Variants in PCDH15 observed in about 807,000 individuals in gnomAD.
PCDH15 encodes the protein protocadherin-15.
PCDH15 carries 129 observed loss-of-function variants against 178.5 expected under a neutral mutation model. The observed-to-expected ratio is 0.72, with a 90% confidence interval of 0.63 to 0.84. The LOEUF is 0.84. Among genes scored for constraint, PCDH15 ranks in the 40% least tolerant of loss-of-function variants. The pLI is 0.00. For synonymous variants in PCDH15, 800 were observed against 732.0 expected (o/e 1.09, Z -1.50); for missense variants, 2,230 against 2,099.9 (o/e 1.06, Z -1.21).
At chr10:54,759,081 C>CATCT (rs10642768) in intron 1 of PCDH15, among the ~76,000 whole-genome samples, 11,686 of 152,066 alleles carry the variant, frequency 0.077, 1,461 homozygotes, top group African/African-American at 0.27. Flanking sequence ...CCTCCCCCTC[C>CATCT]ATCTTACTAC....
intron 2 of PCDH15, among the ~76,000 whole-genome samples, chr10:55,161,673 C>G (rs969487763): frequency 9.2e-5 from 14 of 152,076 alleles, no homozygotes; most frequent in Admixed American, 5.2e-4. Flanking sequence ...TTCTCTAACC[C>G]TTTCATTACT....
chr10:54,183,298 A>G lies in PCDH15; in HGVS notation c.1590+146T>C, dbSNP rs534996437. ...TATGCTTTTATTTGAAAAGTAACAG[A>G]AATTTAAAGCTATTTAAACTAATTA... On this transcript the variant is annotated intron_variant, in intron 13 of 37. Transcript: ENST00000644397. 33 of 843,860 alleles carry G rather than the reference A, an allele frequency of 3.9e-5. No individual in the cohort carries two copies. In the African/African-American group the frequency reaches 4.8e-4, roughly 12 times the overall value. The allele number at this position is 843,860 out of a possible 1,614,324, so 52.3% of individuals were successfully genotyped here. A position where few individuals can be genotyped will look rare whatever the true frequency, so the allele number is the denominator to read the frequency against.
Position 53,822,574 on chromosome 10 carries a change from G to A in PCDH15, c.4368-2344C>T, listed in dbSNP as rs1194313858. 2 of 1,613,928 alleles carry A rather than the reference G, an allele frequency of 1.2e-6. No homozygotes were observed. The highest frequency in any genetic ancestry group is 1.7e-6 in the Non-Finnish European group (2 of 1,179,956). Reference sequence around the variant, plus strand: ...GTTTCAATAGGTAACATACAAATAGGTGTCTCTCTCCTAGAGAGTGAAGAA... The same window carrying A: ...GTTTCAATAGGTAACATACAAATAGATGTCTCTCTCCTAGAGAGTGAAGAA... On this transcript the variant is annotated intron_variant, in intron 32 of 37. Coordinates refer to ENST00000644397, the MANE Select transcript of PCDH15 (RefSeq NM_001384140.1).
intron 21 of PCDH15, among the ~76,000 whole-genome samples, chr10:53,990,721 C>A (rs983957257): frequency 3.3e-5 from 5 of 152,022 alleles, no homozygotes; most frequent in African/African-American, 9.7e-5. Context: ...ACTTGAGGAG[C>A]CCCTTCAGCC....
intron 2 of PCDH15, among the ~76,000 whole-genome samples, chr10:54,902,125 A>C (rs566400809): frequency 6.6e-6 from 1 of 152,338 alleles, no homozygotes; most frequent in South Asian, 2.1e-4. Flanking sequence ...TGTCTCATTT[A>C]TATTCAAAGA....
At chr10:54,344,503 T>C (rs1942864976) in intron 6 of PCDH15, among the ~76,000 whole-genome samples, 1 of 152,292 alleles carries the variant, frequency 6.6e-6, no homozygotes, top group East Asian at 1.9e-4. Context: ...AAACATTGAA[T>C]ATTTTTATGC....
At chr10:54,538,056 G>A (rs2084776307) in intron 2 of PCDH15, among the ~76,000 whole-genome samples, 1 of 152,124 alleles carries the variant, frequency 6.6e-6, no homozygotes, top group Non-Finnish European at 1.5e-5. Flanking sequence ...TTCTACCATT[G>A]TGTAGGTTGT....
At chr10:53,900,228 TCTCTC>T (rs1473963841) in intron 26 of PCDH15, among the ~76,000 whole-genome samples, 2 of 150,686 alleles carry the variant, frequency 1.3e-5, no homozygotes, top group African/African-American at 4.9e-5. Context: ...TCTCTCTCTC[TCTCTC>T]CCCCCCTCTC....
intron 2 of PCDH15, among the ~76,000 whole-genome samples, chr10:54,536,968 T>C (rs1418540628): frequency 6.6e-6 from 1 of 151,516 alleles, no homozygotes; most frequent in Non-Finnish European, 1.5e-5. Flanking sequence ...TACAAGTGCA[T>C]GTGACTATTT....
intron 8 of PCDH15, among the ~76,000 whole-genome samples, chr10:54,277,612 G>A (rs1010836621): frequency 6.6e-6 from 1 of 151,604 alleles, no homozygotes; most frequent in Non-Finnish European, 1.5e-5. Context: ...TTGTTTACCC[G>A]AAATTCAAAT....
At position 54,575,555 on chromosome 10, in the gene PCDH15, CT is replaced by C. The variant is rs944207123; in HGVS notation, c.92-47679del. 4.6e-4 allele frequency among the ~76,000 whole-genome samples: 70 copies of C among 152,148 alleles called. 1 individual carries two copies. Among genetic ancestry groups the C allele is most frequent in the African/African-American group, 1.7e-3 (69 of 41,510 alleles). On this transcript the variant is annotated intron_variant, in intron 2 of 37. Coordinates refer to ENST00000644397, the MANE Select transcript of PCDH15 (RefSeq NM_001384140.1). ...ATCTTGGGAAATAAAATATTTCCATCTATATCAGAATGATATCTAGATGCTT... is the reference window on the plus strand; with the variant it reads ...ATCTTGGGAAATAAAATATTTCCATCATATCAGAATGATATCTAGATGCTT...
chr10:53,944,059 G>C (rs1040035626), intron 23 of PCDH15, among the ~76,000 whole-genome samples: 2 of 152,110 alleles, frequency 1.3e-5, no homozygotes, highest in Admixed American at 6.6e-5. Context: ...CAGATGGACA[G>C]AGAAGGTAGG....
At chr10:54,781,794 T>C (rs956429249) in intron 1 of PCDH15, among the ~76,000 whole-genome samples, 5 of 152,182 alleles carry the variant, frequency 3.3e-5, no homozygotes, top group Non-Finnish European at 7.3e-5. Flanking sequence ...TTCTTTCTTC[T>C]GGAAATAAAA....
intron 37 of PCDH15, among the ~76,000 whole-genome samples, chr10:53,810,020 TGTTA>T (rs1268811959): frequency 6.6e-6 from 1 of 152,178 alleles, no homozygotes; most frequent in Non-Finnish European, 1.5e-5. Flanking sequence ...ATTTATTTCT[TGTTA>T]GTGTTGTTTT....
At chr10:54,856,159 C>T (rs768886783) in intron 3 of PCDH15, among the ~76,000 whole-genome samples, 1 of 152,038 alleles carries the variant, frequency 6.6e-6, no homozygotes, top group Admixed American at 6.6e-5. Context: ...GCTTATTTGA[C>T]AGATGCTAAT....
In PCDH15 at chr10:54,870,800, AT is replaced by A. The variant is rs771308881; in HGVS notation, c.-29+26649del. Among the ~76,000 whole-genome samples the A allele has an allele frequency of 2.5e-3, 24 of 9,538 alleles. No homozygotes were observed. In the Non-Finnish European group the frequency reaches 0.071, roughly 28 times the overall value. 6.3% of individuals were successfully genotyped at this position (9,538 alleles called of 152,430 possible). A position where few individuals can be genotyped will look rare whatever the true frequency, so the allele number is the denominator to read the frequency against. On this transcript the variant is annotated intron_variant, in intron 3 of 5. Transcript: ENST00000458638. ...GACTCCCTCTCAAAAAAATAAAAAA[AT>A]AAAAAAATAAAAAAAAAATCCACGG...
chr10:54,776,419 C>G (rs946480763), intron 1 of PCDH15, among the ~76,000 whole-genome samples: 2 of 150,716 alleles, frequency 1.3e-5, no homozygotes, highest in East Asian at 2.0e-4. Flanking sequence ...GCATGAGACA[C>G]AGTTCTAACC....
intron 3 of PCDH15, among the ~76,000 whole-genome samples, chr10:54,503,339 C>T (rs1442320541): frequency 6.9e-6 from 1 of 144,082 alleles, no homozygotes; most frequent in African/African-American, 2.5e-5. Flanking sequence ...ATATATAAGG[C>T]ATAAGACAAC....
intron 14 of PCDH15, among the ~76,000 whole-genome samples, chr10:54,151,692 A>G (rs989088548): frequency 2.0e-5 from 3 of 152,226 alleles, no homozygotes; most frequent in African/African-American, 7.2e-5. Flanking sequence ...ATGCAAATGC[A>G]AAATGTTCTT....
Sources: gnomAD v4.1 joint callset for allele counts (sites outside exome capture counted in the v4.1 genomes callset) on GRCh38, gnomAD v4.1.1 for gene constraint, MANE v1.5 for transcripts, NCBI Gene and HGNC (gene_info 2026-07-23, HGNC 2026-07-21) for gene names.